Variants in CPNE4 observed in about 807,000 individuals in gnomAD.
CPNE4 encodes copine 4.
In CPNE4, 25 loss-of-function variants were observed where a neutral mutation model predicts 67.9. The ratio of observed to expected loss-of-function variants is 0.37; its 90% CI spans 0.27 to 0.51. CPNE4 has a LOEUF of 0.51. Ranked by LOEUF, CPNE4 falls within the 20% of genes least tolerant of loss-of-function variation. CPNE4 has a pLI of 0.93. For missense variants in CPNE4, 464 were observed against 690.8 expected (o/e 0.67, Z 3.68); for synonymous variants, 242 against 244.9 (o/e 0.99, Z 0.11).
chr3:131,982,121 T>C (rs1487399007), intron 1 of CPNE4, among the ~76,000 whole-genome samples: 1 of 152,186 alleles, frequency 6.6e-6, no homozygotes, highest in East Asian at 1.9e-4. Context: ...TCTTTTTATG[T>C]TTCTTTAAAG....
intron 2 of CPNE4, among the ~76,000 whole-genome samples, chr3:131,861,657 T>G (rs993293745): frequency 7.2e-5 from 11 of 152,172 alleles, no homozygotes; most frequent in African/African-American, 2.7e-4. Flanking sequence ...GGTCTCGAAC[T>G]CCTGACCTCA....
chr3:131,722,146 G>A (rs1045506533), intron 3 of CPNE4, among the ~76,000 whole-genome samples: 9 of 152,286 alleles, frequency 5.9e-5, no homozygotes, highest in Admixed American at 1.3e-4. Flanking sequence ...ATGAAGCAAG[G>A]TAAGCACAAA....
chr3:131,556,025 C>A (rs1242015866), intron 11 of CPNE4, among the ~76,000 whole-genome samples: 5 of 151,968 alleles, frequency 3.3e-5, no homozygotes, highest in Admixed American at 6.6e-5. Flanking sequence ...CAAGATCATG[C>A]CACTAATTAG....
At chr3:131,747,305 T>C (rs1583131250) in intron 2 of CPNE4, among the ~76,000 whole-genome samples, 1 of 152,086 alleles carries the variant, frequency 6.6e-6, no homozygotes, top group Admixed American at 6.6e-5. Context: ...TGTCTATCTT[T>C]GCTTTTGTTG....
intron 2 of CPNE4, among the ~76,000 whole-genome samples, chr3:131,734,488 T>C (rs1022768342): frequency 2.0e-5 from 3 of 152,170 alleles, no homozygotes; most frequent in Non-Finnish European, 4.4e-5. Flanking sequence ...GCCTTGAATA[T>C]AGGAGGAGTA....
At chr3:132,001,553 G>GAGAAAGAA (rs763509045) in intron 1 of CPNE4, among the ~76,000 whole-genome samples, 1,292 of 101,748 alleles carry the variant, frequency 0.013, 27 homozygotes, top group East Asian at 0.056. Flanking sequence ...AAAGAAAAAA[G>GAGAAAGAA]AGAAAGAAAG....
intron 1 of CPNE4, among the ~76,000 whole-genome samples, chr3:132,023,514 G>T (rs1404907221): frequency 8.8e-6 from 1 of 114,004 alleles, no homozygotes; most frequent in Non-Finnish European, 1.6e-5. Context: ...TTGAGACGGA[G>T]TCTCGCTCTG....
intron 7 of CPNE4, among the ~76,000 whole-genome samples, chr3:131,616,616 C>T (rs1940172392): frequency 6.6e-6 from 1 of 152,208 alleles, no homozygotes; most frequent in Non-Finnish European, 1.5e-5. Flanking sequence ...TACCCTCAAA[C>T]CTTCATTTCA....
intron 10 of CPNE4, 67 bp downstream of exon 10, chr3:131,575,004 C>G: frequency 7.3e-7 from 1 of 1,371,520 alleles, no homozygotes; most frequent in Non-Finnish European, 1.0e-6. Flanking sequence ...ATCCCCCAAA[C>G]CCAGTGCCAC....
At chr3:131,837,017 C>T (rs1315582230) in intron 2 of CPNE4, among the ~76,000 whole-genome samples, 1 of 152,108 alleles carries the variant, frequency 6.6e-6, no homozygotes, top group East Asian at 1.9e-4. Flanking sequence ...ATTAAAGCCA[C>T]AATGAGATAC....
chr3:131,595,212 G>C (rs1219819884), intron 7 of CPNE4, among the ~76,000 whole-genome samples: 1 of 152,144 alleles, frequency 6.6e-6, no homozygotes, highest in Non-Finnish European at 1.5e-5. Flanking sequence ...TCCCACACTG[G>C]GGTGGAAATA....
rs956216599 is a variant in CPNE4, at chr3:131,901,217, T to C, written c.180+4047A>G. Among the ~76,000 whole-genome samples, 4 of 152,120 alleles carry C rather than the reference T, an allele frequency of 2.6e-5. No individual in the cohort carries two copies. The East Asian group carries it at 7.7e-4, about 29-fold the overall frequency. ...TCTAAGAAGTGTTTGTTTGTACCAC[T>C]TGATTATGATGCTTAGTTCCAGGAG... On this transcript the variant is annotated intron_variant, in intron 2 of 15. Coordinates refer to ENST00000429747, the MANE Select transcript of CPNE4 (RefSeq NM_130808.3).
At chr3:131,906,680 C>A (rs2088780644) in intron 1 of CPNE4, among the ~76,000 whole-genome samples, 1 of 151,836 alleles carries the variant, frequency 6.6e-6, no homozygotes, top group Admixed American at 6.6e-5. Flanking sequence ...GTTTCCAAGT[C>A]TTTGCTATCG....
intron 14 of CPNE4, among the ~76,000 whole-genome samples, chr3:131,549,185 G>A (rs114392817): frequency 4.6e-5 from 7 of 152,102 alleles, no homozygotes; most frequent in Non-Finnish European, 1.0e-4. Flanking sequence ...CATGAAGGAA[G>A]GCTGAGAACA....
At chr3:131,857,763 C>T (rs2086508839) in intron 2 of CPNE4, among the ~76,000 whole-genome samples, 1 of 151,988 alleles carries the variant, frequency 6.6e-6, no homozygotes, top group Admixed American at 6.6e-5. Context: ...CTCTACCTCC[C>T]ATCCTTTCTG....
chr3:131,724,946 A>T (rs1379738323), intron 2 of CPNE4, among the ~76,000 whole-genome samples: 1 of 152,208 alleles, frequency 6.6e-6, no homozygotes, highest in Non-Finnish European at 1.5e-5. Context: ...TTAAAGACTA[A>T]GTTATAGATA....
At chr3:131,609,284 C>T (rs1217094192) in intron 7 of CPNE4, among the ~76,000 whole-genome samples, 1 of 152,178 alleles carries the variant, frequency 6.6e-6, no homozygotes, top group Admixed American at 6.5e-5. Context: ...GAATGAACGA[C>T]ATGGTTGGTT....
intron 1 of CPNE4, among the ~76,000 whole-genome samples, chr3:132,013,078 C>T (rs893121710): frequency 6.6e-6 from 1 of 152,036 alleles, no homozygotes; most frequent in African/African-American, 2.4e-5. Context: ...CAAAAATTAG[C>T]CAGGCATAGG....
intron 1 of CPNE4, among the ~76,000 whole-genome samples, chr3:131,990,350 T>C (rs2107649057): frequency 7.3e-6 from 1 of 136,806 alleles, no homozygotes; most frequent in African/African-American, 2.4e-5. Context: ...TTTTGAGTTC[T>C]AGCCAATTTT....
Sources: gnomAD v4.1 joint callset for allele counts (sites outside exome capture counted in the v4.1 genomes callset) on GRCh38, gnomAD v4.1.1 for gene constraint, MANE v1.5 for transcripts, NCBI Gene and HGNC (gene_info 2026-07-23, HGNC 2026-07-21) for gene names.